Variants in MUC4 observed in about 807,000 individuals in gnomAD.
MUC4 encodes mucin-4.
A neutral mutation model predicts 257.9 loss-of-function variants in MUC4; 202 were observed. That is an observed-to-expected ratio of 0.78 (90% confidence interval 0.70 to 0.88). The LOEUF is 0.88. MUC4 is among the 40% of genes least tolerant of loss of function. The pLI is 0.00. For missense variants in MUC4, 5,976 were observed against 6,513.7 expected (o/e 0.92, Z 2.84); for synonymous variants, 2,351 against 2,757.1 (o/e 0.85, Z 4.62).
At position 195,748,963 on chromosome 3, in the gene MUC4, T is replaced by C. The variant is rs1386832363; in HGVS notation, c.15973A>G (p.Ser5325Gly). 10 of 1,607,996 alleles carry C rather than the reference T, an allele frequency of 6.2e-6. No individual in the cohort carries two copies. Among genetic ancestry groups the C allele is most frequent in the African/African-American group, 1.3e-5 (1 of 74,596 alleles). ...CCTCCATGGTCACAGTAGCCCCTAC[T>C]GCACGGGGACACGCAGGTGAAGCCG... ...QSGFTCVSPC[S>G]RGYCDHGGQC... Residue 5325 changes from serine (S) to glycine (G), a missense_variant, in exon 24 of 25, where the codon AGT becomes GGT. Transcript: ENST00000463781.
intron 21 of MUC4, 37 bp downstream of exon 21, chr3:195,752,336 G>A (rs746063268): frequency 1.2e-5 from 19 of 1,563,676 alleles, no homozygotes; most frequent in East Asian, 2.2e-5. Flanking sequence ...CCCGCCAAGC[G>A]CCCCCTCCCA....
chr3:195,780,095 C>T lies in MUC4; in HGVS notation c.11485G>A (p.Asp3829Asn), dbSNP rs1173910146. The T allele has an allele frequency of 2.0e-3, 1,315 of 671,990 alleles. 16 individuals are homozygous for T. In the East Asian group the frequency reaches 0.034, roughly 17 times the overall value. 41.6% of individuals were successfully genotyped at this position (671,990 alleles called of 1,614,324 possible). A position where few individuals can be genotyped will look rare whatever the true frequency, so the allele number is the denominator to read the frequency against. ...TGACCTGTGGATGCTGAGGAAGCGT[C>T]GGTGACAGGAAGAGGGGTGGTGTCA... ...TGDTTPLPVT[D>N]ASSASTGHAT... Residue 3829 changes from aspartate (D) to asparagine (N), a missense_variant, in exon 2 of 25, where the codon GAC becomes AAC. Around this residue, in one of 44 missense-constraint regions of MUC4, gnomAD observed 330 missense variants for 262.0 expected, o/e 1.26. Transcript: ENST00000463781.
At chr3:195,798,568 G>C (rs1349865580) in intron 1 of MUC4, among the ~76,000 whole-genome samples, 4 of 151,944 alleles carry the variant, frequency 2.6e-5, no homozygotes, top group African/African-American at 9.7e-5. Flanking sequence ...GCCGGGCGTG[G>C]TGGCGGGCGC....
intron 13 of MUC4, 151 bp from the exon 14 acceptor site, chr3:195,762,405 G>T: frequency 1.1e-6 from 1 of 873,132 alleles, no homozygotes; most frequent in Non-Finnish European, 1.7e-6. Flanking sequence ...AGGCCGGCGA[G>T]CTGCACGCCC....
chr3:195,786,528 G>A lies in MUC4; in HGVS notation c.5052C>T (p.Thr1684=), dbSNP rs761959615. The change falls in exon 2 of 25, where the codon ACC becomes ACT. Residue 1684 remains threonine (T), a synonymous_variant. Transcript: ENST00000463781. ...STGHATPLPV[T]GLSSATTDDT... ...CATCTGTGGTAGCTGAGGAAAGGCC[G>A]GTGACAGGAAGAGGGGTGGCGTGAC... The A allele has an allele frequency of 4.2e-5, 64 of 1,512,140 alleles. 4 individuals carry two copies. The highest frequency in any genetic ancestry group is 5.3e-5 in the Non-Finnish European group (59 of 1,121,074). The allele number at this position is 1,512,140 out of a possible 1,614,324, so 93.7% of individuals were successfully genotyped here. A position where few individuals can be genotyped will look rare whatever the true frequency, so the allele number is the denominator to read the frequency against.
intron 3 of MUC4, 68 bp downstream of exon 3, chr3:195,778,235 T>G: frequency 6.7e-7 from 1 of 1,497,178 alleles, no homozygotes; most frequent in East Asian, 2.4e-5. Context: ...CTGTGGGAAG[T>G]AGGCTGAGAG....
chr3:195,763,947 C>T (rs1719811058), intron 11 of MUC4, 98 bp downstream of exon 11: 6 of 1,451,604 alleles, frequency 4.1e-6, no homozygotes, highest in African/African-American at 1.4e-5. Flanking sequence ...CTTGTGGCCA[C>T]AGCTCTGCCC....
At chr3:195,768,912 A>T in intron 7 of MUC4, 110 bp downstream of exon 7, 1 of 1,402,390 alleles carries the variant, frequency 7.1e-7, no homozygotes, top group Non-Finnish European at 9.5e-7. Context: ...CAGAAGCACC[A>T]GCCAGGAGGG....
At chr3:195,770,106 A>G in intron 6 of MUC4, 110 bp downstream of exon 6, 2 of 1,159,390 alleles carry the variant, frequency 1.7e-6, no homozygotes, top group Non-Finnish European at 2.3e-6. Context: ...TGCTATAATT[A>G]GCAATCTTTC....
chr3:195,787,850 C>A lies in MUC4; in HGVS notation c.3730G>T (p.Gly1244Cys). 2.0e-6 allele frequency: 1 copy of A among 510,736 alleles called. No individual in the cohort carries two copies. Among genetic ancestry groups the A allele is most frequent in the East Asian group, 3.2e-5 (1 of 31,416 alleles). 31.6% of individuals were successfully genotyped at this position (510,736 alleles called of 1,614,324 possible). ...GTGACAGGAAGAGGGGTGGTGTGAC[C>A]TGTGGATGCTGCGGAAGGGATGGTT... is the stretch of plus-strand genomic sequence containing the variant. ...PVTIPSAASTGHTTPLPVTDT... is the reference protein window; with the variant it reads ...PVTIPSAASTCHTTPLPVTDT... The change falls in exon 2 of 25, where the codon GGT becomes TGT. Residue 1244 changes from glycine (G) to cysteine (C), a missense_variant. Coordinates refer to ENST00000463781, the MANE Select transcript of MUC4 (RefSeq NM_018406.7).
intron 4 of MUC4, 113 bp downstream of exon 4, chr3:195,774,058 GA>G (rs1723792053): frequency 7.6e-7 from 1 of 1,322,862 alleles, no homozygotes; most frequent in African/African-American, 1.5e-5. Context: ...GGGGATGGAC[GA>G]GGGGCCCAGC....
chr3:195,761,015 G>T lies in MUC4; in HGVS notation c.14717C>A (p.Ala4906Asp), dbSNP rs527732823. ...YSQLQKNSSW[A>D]EHLISNCDGD... Reference sequence around the variant, plus strand: ...GTCACAGTTGGAGATCAAATGTTCAGCCCAGGAGCTGTTTTTTTGCAGTTG... The same window carrying T: ...GTCACAGTTGGAGATCAAATGTTCATCCCAGGAGCTGTTTTTTTGCAGTTG... Residue 4906 changes from alanine (A) to aspartate (D), a missense_variant, in exon 16 of 25, where the codon GCT becomes GAT. Transcript: ENST00000463781. The T allele has an allele frequency of 6.2e-7, 1 of 1,614,206 alleles. No homozygotes were observed. The highest frequency in any genetic ancestry group is 1.1e-5 in the South Asian group (1 of 91,088).
rs769885292 is a variant in MUC4, at chr3:195,783,763, GCCTGACC to G, written c.7810_7816del (p.Gly2604ProfsTer398). 9 of 1,408,362 alleles carry G rather than the reference GCCTGACC, an allele frequency of 6.4e-6. No homozygotes were observed. The African/African-American group carries it at 1.7e-4, about 27-fold the overall frequency. The allele number at this position is 1,408,362 out of a possible 1,614,324, so 87.2% of individuals were successfully genotyped here. A position where few individuals can be genotyped will look rare whatever the true frequency, so the allele number is the denominator to read the frequency against. On this transcript the variant is annotated frameshift_variant, in exon 2 of 25. Transcript: ENST00000463781. LOFTEE classifies it high-confidence loss of function. ...AAGGCTGGTGACAGGAAGAGGGGTG[GCCTGACC>G]TGTGGATGCTGAGTAAGTGTCGGTG... is the stretch of plus-strand genomic sequence containing the variant.
intron 1 of MUC4, among the ~76,000 whole-genome samples, chr3:195,811,102 C>T (rs1736651536): frequency 6.6e-6 from 1 of 151,598 alleles, no homozygotes; most frequent in Non-Finnish European, 1.5e-5. Flanking sequence ...TTCATGCCTC[C>T]TCTTCCCCAC....
chr3:195,747,401 A>G (rs778175201), intron 24 of MUC4, 21 bp from the exon 25 acceptor site: 8 of 1,611,610 alleles, frequency 5.0e-6, no homozygotes, highest in South Asian at 2.2e-5. Flanking sequence ...AGAGAGACAG[A>G]CAGGCGGTCA....
chr3:195,775,219 T>A (rs1333397342), intron 3 of MUC4, among the ~76,000 whole-genome samples: 3 of 152,068 alleles, frequency 2.0e-5, no homozygotes, highest in East Asian at 1.9e-4. Context: ...ATTTGTACAA[T>A]GCAAAACTGA....
chr3:195,773,414 G>C (rs1226090058), intron 4 of MUC4, among the ~76,000 whole-genome samples: 1 of 151,080 alleles, frequency 6.6e-6, no homozygotes, highest in African/African-American at 2.4e-5. Flanking sequence ...CATCACTTAG[G>C]GGGTGGAAAC....
chr3:195,808,719 G>A (rs1335769128), intron 1 of MUC4, among the ~76,000 whole-genome samples: 1 of 152,178 alleles, frequency 6.6e-6, no homozygotes, highest in African/African-American at 2.4e-5. Context: ...CACCTTGCTG[G>A]TCGTTGGCCA....
chr3:195,747,421 G>GCTCAGCCTCCCAGCCC, intron 24 of MUC4, 41 bp from the exon 25 acceptor site: 1 of 1,593,206 alleles, frequency 6.3e-7, no homozygotes. Flanking sequence ...AGAGGCGGGA[G>GCTCAGCCTCCCAGCCC]CTCAGCCTCC....
Sources: allele counts gnomAD v4.1 joint callset (sites outside exome capture counted in the v4.1 genomes callset), GRCh38; gene constraint gnomAD v4.1.1; regional missense constraint gnomAD v4.1.1; transcripts MANE v1.5; gene names NCBI Gene and HGNC (gene_info 2026-07-23, HGNC 2026-07-21).